The following TENM3 variants were observed in gnomAD, a reference collection of about 807,000 sequenced individuals.
TENM3 encodes teneurin-3.
In TENM3, 63 loss-of-function variants were observed where a neutral mutation model predicts 255.1. The observed-to-expected ratio is 0.25, with a 90% CI of 0.20 to 0.30. The LOEUF (loss-of-function observed/expected upper bound fraction) is 0.30, where lower values mean the gene tolerates loss of function less well. Ranked by LOEUF, TENM3 falls within the 10% of genes least tolerant of loss-of-function variation. TENM3 has a pLI of 1.00. For synonymous variants in TENM3, 1,306 were observed against 1,322.3 expected, an observed-to-expected ratio of 0.99 and a Z score of 0.27; for missense variants, 2,929 against 3,461.1, an observed-to-expected ratio of 0.85 and a Z score of 3.86.
At chr4:182,747,498 T>A (rs1315832308) in intron 19 of TENM3, among the ~76,000 whole-genome samples, 1 of 152,230 alleles carries the variant, frequency 6.6e-6, no homozygotes. Flanking sequence ...TTCTTTTAGA[T>A]GTACCAAACA....
the TENM3 span, among the ~76,000 whole-genome samples, chr4:181,686,637 C>T: frequency 6.6e-6 from 1 of 152,102 alleles, no homozygotes; most frequent in Admixed American, 6.6e-5. Context: ...GCAGCATATC[C>T]ATAAACCTGT....
the TENM3 span, among the ~76,000 whole-genome samples, chr4:181,721,566 C>CTGCAG: frequency 2.2e-4 from 4 of 17,908 alleles, no homozygotes; most frequent in Non-Finnish European, 5.3e-4. Context: ...CGCCACTGCA[C>CTGCAG]TCCAGCCTGG....
the TENM3 span, among the ~76,000 whole-genome samples, chr4:181,670,826 T>C: frequency 6.6e-6 from 1 of 152,198 alleles, no homozygotes; most frequent in African/African-American, 2.4e-5. Context: ...AATAATGCAG[T>C]GTTTATTTGA....
the TENM3 span, among the ~76,000 whole-genome samples, chr4:181,888,646 G>A: frequency 8.3e-6 from 1 of 119,970 alleles, no homozygotes; most frequent in East Asian, 2.4e-4. Context: ...AGACTTACAG[G>A]AATAGACTCA....
At chr4:181,920,132 A>G in the TENM3 span, among the ~76,000 whole-genome samples, 2 of 151,834 alleles carry the variant, frequency 1.3e-5, no homozygotes, top group African/African-American at 4.8e-5. Flanking sequence ...CCAGTCTATC[A>G]TTGTTGGACA....
the TENM3 span, among the ~76,000 whole-genome samples, chr4:181,985,319 G>GAA: frequency 2.3e-3 from 329 of 143,042 alleles, 2 homozygotes; most frequent in African/African-American, 7.3e-3. Flanking sequence ...TTCCCATAGA[G>GAA]AAAAAAAAAA....
the TENM3 span, among the ~76,000 whole-genome samples, chr4:181,934,196 T>C: frequency 6.6e-6 from 1 of 152,132 alleles, no homozygotes; most frequent in African/African-American, 2.4e-5. Context: ...CCTCAGTTGA[T>C]TGCTTCTCGA....
the TENM3 span, among the ~76,000 whole-genome samples, chr4:181,964,869 T>C: frequency 6.1e-4 from 93 of 152,094 alleles, no homozygotes; most frequent in Non-Finnish European, 1.3e-3. Context: ...TCCACTGAGT[T>C]CCAGGAGTGT....
chr4:182,646,394 C>A (rs929162799), intron 5 of TENM3, among the ~76,000 whole-genome samples: 2 of 152,100 alleles, frequency 1.3e-5, no homozygotes, highest in Non-Finnish European at 2.9e-5. Context: ...ATGCCCAGTA[C>A]TCTTGAGATG....
In TENM3 at chr4:182,796,702, C is replaced by T. The variant is rs762799784; in HGVS notation, c.7279C>T (p.Pro2427Ser). ...LHNAIPGFPVPKFDLTEPSYE... is the reference protein window; with the variant it reads ...LHNAIPGFPVSKFDLTEPSYE... ...CAATGCTATTCCTGGATTCCCTGTT[C>T]CCAAATTTGATTTAACAGAACCTTC... Residue 2427 changes from proline to serine, a missense_variant, in exon 27 of 28, where the codon CCC becomes TCC. Transcript: ENST00000511685. The T allele has an allele frequency of 4.3e-6, 7 of 1,612,708 alleles. No individual in the cohort carries two copies. The Admixed American group carries it at 1.2e-4, about 27-fold the overall frequency.
At chr4:181,951,107 T>A in the TENM3 span, among the ~76,000 whole-genome samples, 1 of 152,200 alleles carries the variant, frequency 6.6e-6, no homozygotes, top group East Asian at 1.9e-4. Flanking sequence ...GCTTTAAAAA[T>A]CTTAATTTGG....
the TENM3 span, among the ~76,000 whole-genome samples, chr4:182,003,174 C>T: frequency 6.6e-6 from 1 of 152,132 alleles, no homozygotes; most frequent in African/African-American, 2.4e-5. Context: ...TAAGTACCCA[C>T]ATTTACTTTC....
At chr4:181,588,480 G>A in the TENM3 span, among the ~76,000 whole-genome samples, 33 of 152,172 alleles carry the variant, frequency 2.2e-4, no homozygotes, top group African/African-American at 7.7e-4. Context: ...TTATCACCCC[G>A]AATCTAATGT....
intron 3 of TENM3, among the ~76,000 whole-genome samples, chr4:182,583,233 TCA>T (rs1286704588): frequency 6.6e-6 from 1 of 152,106 alleles, no homozygotes; most frequent in African/African-American, 2.4e-5. Flanking sequence ...ATGTTTTAAA[TCA>T]GTTATTTTAT....
At chr4:181,615,310 C>T in the TENM3 span, among the ~76,000 whole-genome samples, 2 of 152,056 alleles carry the variant, frequency 1.3e-5, no homozygotes. Context: ...GCATTAACCC[C>T]AGATAAAATT....
intron 4 of TENM3, 110 bp from the exon 5 acceptor site, chr4:182,628,541 A>T (rs1370019185): frequency 2.9e-6 from 2 of 691,760 alleles, no homozygotes; most frequent in Non-Finnish European, 4.9e-6. Context: ...AAATTCTTTT[A>T]AAAAAGAGAG....
chr4:182,593,406 TTTC>T (rs1323493581), intron 3 of TENM3, among the ~76,000 whole-genome samples: 1 of 152,234 alleles, frequency 6.6e-6, no homozygotes, highest in Non-Finnish European at 1.5e-5. Context: ...CTCTCTGTCC[TTTC>T]TTCTTCCGTC....
At chr4:181,859,438 G>C in the TENM3 span, among the ~76,000 whole-genome samples, 3,382 of 151,950 alleles carry the variant, frequency 0.022, 125 homozygotes, top group African/African-American at 0.076. Flanking sequence ...AAACTGACAA[G>C]GAAACAGCAA....
At chr4:182,208,163 T>C (rs770702349) in intron 1 of TENM3, among the ~76,000 whole-genome samples, 6 of 152,246 alleles carry the variant, frequency 3.9e-5, no homozygotes, top group Non-Finnish European at 8.8e-5. Context: ...ACTTTATAAA[T>C]GCTTTATGAT....
Sources: allele counts gnomAD v4.1 joint callset (sites outside exome capture counted in the v4.1 genomes callset), GRCh38; gene constraint gnomAD v4.1.1; transcripts MANE v1.5; gene names NCBI Gene and HGNC (gene_info 2026-07-23, HGNC 2026-07-21).